LRMDA: variants seen among roughly 807,000 people sequenced by gnomAD.
The protein encoded by LRMDA is leucine-rich melanocyte differentiation-associated protein.
In LRMDA, 18 loss-of-function variants were observed where a neutral mutation model predicts 29.8. The ratio of observed to expected loss-of-function variants is 0.60; its 90% CI spans 0.42 to 0.90. LRMDA has a LOEUF of 0.90. Among genes scored for constraint, LRMDA ranks in the 40% least tolerant of loss-of-function variants. The pLI, the probability that LRMDA is intolerant of heterozygous loss-of-function variation, is 0.00. For synonymous variants in LRMDA, 125 were observed against 109.4 expected (o/e 1.14, Z -0.89); for missense variants, 273 against 273.9 (o/e 1.00, Z 0.02).
At chr10:76,188,804 C>T (rs1851192126) in intron 5 of LRMDA, among the ~76,000 whole-genome samples, 1 of 152,062 alleles carries the variant, frequency 6.6e-6, no homozygotes, top group Non-Finnish European at 1.5e-5. Context: ...AAACTTGTTA[C>T]AAAGAATAAA....
At chr10:76,492,874 C>T (rs1183652940) in intron 6 of LRMDA, among the ~76,000 whole-genome samples, 1 of 152,016 alleles carries the variant, frequency 6.6e-6, no homozygotes, top group African/African-American at 2.4e-5. Context: ...TGATTCAATT[C>T]TTCAATCATG....
chr10:76,024,852 CAA>C (rs1848034108), intron 2 of LRMDA, among the ~76,000 whole-genome samples: 1 of 152,182 alleles, frequency 6.6e-6, no homozygotes, highest in South Asian at 2.1e-4. Context: ...ATCTTTCAAG[CAA>C]ACAGTTCATG....
At chr10:75,683,589 A>T (rs1324914664) in intron 2 of LRMDA, among the ~76,000 whole-genome samples, 1 of 152,224 alleles carries the variant, frequency 6.6e-6, no homozygotes, top group Non-Finnish European at 1.5e-5. Context: ...TGGAGAATAA[A>T]ATATCCTGCA....
chr10:76,178,463 G>C (rs1850981484), intron 5 of LRMDA, among the ~76,000 whole-genome samples: 1 of 152,168 alleles, frequency 6.6e-6, no homozygotes, highest in African/African-American at 2.4e-5. Context: ...AAAGAACCAT[G>C]TTTTGAGGAA....
intron 5 of LRMDA, among the ~76,000 whole-genome samples, chr10:76,114,451 C>T (rs1166131029): frequency 6.6e-6 from 1 of 152,156 alleles, no homozygotes; most frequent in Non-Finnish European, 1.5e-5. Flanking sequence ...GGCTTGGCTT[C>T]CACTTTTGGA....
intron 2 of LRMDA, among the ~76,000 whole-genome samples, chr10:75,885,099 C>T (rs1356393436): frequency 6.6e-6 from 1 of 151,528 alleles, no homozygotes; most frequent in Non-Finnish European, 1.5e-5. Flanking sequence ...TGGGGGATGA[C>T]AGTAGTTCGG....
intron 2 of LRMDA, among the ~76,000 whole-genome samples, chr10:75,996,755 C>T (rs182809442): frequency 1.5e-3 from 224 of 145,046 alleles, no homozygotes; most frequent in Middle Eastern, 7.4e-3. Flanking sequence ...TTTTTTGAGA[C>T]GGAGTCTCGG....
At chr10:76,439,916 G>A (rs547554176) in intron 6 of LRMDA, among the ~76,000 whole-genome samples, 3 of 152,264 alleles carry the variant, frequency 2.0e-5, no homozygotes, top group Non-Finnish European at 4.4e-5. Context: ...CAGAGTTTTC[G>A]AACTGTAGGG....
intron 5 of LRMDA, among the ~76,000 whole-genome samples, chr10:76,111,812 G>T (rs1011413648): frequency 2.0e-5 from 3 of 151,400 alleles, no homozygotes; most frequent in Non-Finnish European, 4.4e-5. Flanking sequence ...ATGGGGGTGG[G>T]GGGGGGCGCA....
intron 5 of LRMDA, among the ~76,000 whole-genome samples, chr10:76,307,866 T>G (rs1333053679): frequency 6.8e-6 from 1 of 147,768 alleles, no homozygotes; most frequent in East Asian, 1.9e-4. Flanking sequence ...CCATATACCT[T>G]GAGCTCATTA....
intron 2 of LRMDA, among the ~76,000 whole-genome samples, chr10:75,554,974 T>C (rs1840196896): frequency 6.6e-6 from 1 of 152,184 alleles, no homozygotes; most frequent in Non-Finnish European, 1.5e-5. Context: ...AGTGGATTCT[T>C]GTTCTCCTCC....
intron 2 of LRMDA, among the ~76,000 whole-genome samples, chr10:75,601,853 G>A (rs1225686389): frequency 6.6e-6 from 1 of 152,148 alleles, no homozygotes; most frequent in Non-Finnish European, 1.5e-5. Flanking sequence ...ATTTGACATA[G>A]GGTTTTTCTG....
At chr10:75,648,405 G>A (rs559134192) in intron 2 of LRMDA, among the ~76,000 whole-genome samples, 5 of 152,234 alleles carry the variant, frequency 3.3e-5, no homozygotes, top group South Asian at 2.1e-4. Context: ...AAGAAAACCC[G>A]GGAAAAGTGT....
At chr10:75,507,921 G>A (rs922835081) in intron 2 of LRMDA, among the ~76,000 whole-genome samples, 1 of 152,142 alleles carries the variant, frequency 6.6e-6, no homozygotes, top group Non-Finnish European at 1.5e-5. Context: ...CTAGTAAAAG[G>A]CAGGTACACA....
chr10:76,540,867 G>T (rs988966493), intron 6 of LRMDA, among the ~76,000 whole-genome samples: 8 of 152,184 alleles, frequency 5.3e-5, no homozygotes, highest in African/African-American at 1.9e-4. Flanking sequence ...GTTGGCTTGG[G>T]AAGATGGATC....
intron 5 of LRMDA, among the ~76,000 whole-genome samples, chr10:76,129,351 TC>T (rs1226983679): frequency 6.6e-6 from 1 of 152,174 alleles, no homozygotes; most frequent in Non-Finnish European, 1.5e-5. Flanking sequence ...GGCCTCACTC[TC>T]CTACTTCTGG....
intron 6 of LRMDA, among the ~76,000 whole-genome samples, chr10:76,514,178 A>G (rs1349559824): frequency 6.6e-6 from 1 of 152,156 alleles, no homozygotes; most frequent in Non-Finnish European, 1.5e-5. Context: ...ACTTAGGTTG[A>G]TTAAGTCTAT....
chr10:76,431,087 T>A (rs1453205695), intron 6 of LRMDA, among the ~76,000 whole-genome samples: 1 of 152,146 alleles, frequency 6.6e-6, no homozygotes, highest in Non-Finnish European at 1.5e-5. Flanking sequence ...AAGGCTTTGG[T>A]TTCTGGTGAA....
At chr10:75,697,803 G>A (rs537482758) in intron 2 of LRMDA, among the ~76,000 whole-genome samples, 1 of 151,658 alleles carries the variant, frequency 6.6e-6, no homozygotes, top group South Asian at 2.1e-4. Context: ...TGGGCAACTC[G>A]TTCTCTCTCT....
Sources: allele counts gnomAD v4.1 joint callset (sites outside exome capture counted in the v4.1 genomes callset), GRCh38; gene constraint gnomAD v4.1.1; transcripts MANE v1.5; gene names NCBI Gene and HGNC (gene_info 2026-07-23, HGNC 2026-07-21).